Variants in BACE2 observed in about 807,000 individuals in gnomAD.
BACE2 encodes the protein 56 kDa aspartic-like protease.
Under a neutral mutation model 46.2 loss-of-function variants are expected in BACE2, and 17 were observed. That is an observed-to-expected ratio of 0.37 (90% CI 0.25 to 0.55). The LOEUF (loss-of-function observed/expected upper bound fraction) is 0.55, where lower values mean the gene tolerates loss of function less well. BACE2 is among the 20% of genes least tolerant of loss of function. The probability of loss-of-function intolerance (pLI) is 0.82; values close to 1 mark genes in which losing one functional copy is unlikely to be tolerated. For synonymous variants in BACE2, 277 were observed against 295.9 expected, an observed-to-expected ratio of 0.94 and a Z score of 0.66; for missense variants, 595 against 698.1, an observed-to-expected ratio of 0.85 and a Z score of 1.66.
intron 1 of BACE2, among the ~76,000 whole-genome samples, chr21:41,224,727 C>A (rs930435450): frequency 6.6e-6 from 1 of 152,186 alleles, no homozygotes; most frequent in Non-Finnish European, 1.5e-5. Context: ...AGCCCAATAG[C>A]ATTGGTCCCT....
chr21:41,180,449 G>A (rs1985076100), intron 1 of BACE2: 1 of 167,964 alleles, frequency 6.0e-6, no homozygotes, highest in African/African-American at 2.4e-5. Context: ...CCTGGCACTG[G>A]AGGAGTAAAA....
chr21:41,233,929 C>T (rs941216589), intron 2 of BACE2, among the ~76,000 whole-genome samples: 5 of 152,212 alleles, frequency 3.3e-5, no homozygotes, highest in Non-Finnish European at 5.9e-5. Flanking sequence ...GCATTGCACT[C>T]CAGCCTTGGT....
chr21:41,208,994 G>A (rs928095012), intron 1 of BACE2, among the ~76,000 whole-genome samples: 10 of 152,284 alleles, frequency 6.6e-5, no homozygotes, highest in Non-Finnish European at 1.0e-4. Context: ...CAGCTGGAAC[G>A]TTGCCCTCTT....
At chr21:41,224,107 C>G (rs1986736473) in intron 1 of BACE2, among the ~76,000 whole-genome samples, 1 of 151,922 alleles carries the variant, frequency 6.6e-6, no homozygotes, top group Non-Finnish European at 1.5e-5. Context: ...GCTGATGGGT[C>G]AGCTCAGAGA....
intron 1 of BACE2, among the ~76,000 whole-genome samples, chr21:41,205,503 C>T (rs1043110105): frequency 6.6e-6 from 1 of 152,158 alleles, no homozygotes; most frequent in Non-Finnish European, 1.5e-5. Context: ...GATTATTATT[C>T]CGTCATCTTT....
At chr21:41,249,117 G>A (rs1568886116) in intron 6 of BACE2, among the ~76,000 whole-genome samples, 1 of 151,832 alleles carries the variant, frequency 6.6e-6, no homozygotes, top group African/African-American at 2.4e-5. Context: ...GGACTAGTGG[G>A]CATGTACACT....
intron 8 of BACE2, among the ~76,000 whole-genome samples, chr21:41,270,238 C>G (rs1248118162): frequency 6.6e-6 from 1 of 152,122 alleles, no homozygotes; most frequent in African/African-American, 2.4e-5. Flanking sequence ...AATACAAGTC[C>G]TTTATCAGAA....
intron 1 of BACE2, among the ~76,000 whole-genome samples, chr21:41,196,924 A>G (rs1985752727): frequency 6.6e-6 from 1 of 152,104 alleles, no homozygotes; most frequent in East Asian, 1.9e-4. Flanking sequence ...TTCGGTTTCC[A>G]GGATTTTGTA....
chr21:41,206,901 G>T (rs964616871), intron 1 of BACE2, among the ~76,000 whole-genome samples: 5 of 152,212 alleles, frequency 3.3e-5, no homozygotes, highest in Non-Finnish European at 7.3e-5. Flanking sequence ...TGATGCTGCA[G>T]CAGGCGTATA....
chr21:41,211,691 C>T (rs904731908), intron 1 of BACE2, among the ~76,000 whole-genome samples: 2 of 152,194 alleles, frequency 1.3e-5, no homozygotes, highest in Admixed American at 6.5e-5. Flanking sequence ...AATTAGGAAT[C>T]GTTGTGTTAA....
At chr21:41,171,941 CAATT>C (rs1984624180) in intron 1 of BACE2, among the ~76,000 whole-genome samples, 2 of 152,160 alleles carry the variant, frequency 1.3e-5, no homozygotes. Context: ...TCTTAGTACA[CAATT>C]ATTTGGAAGA....
In BACE2 at chr21:41,221,896, G is replaced by A. The variant is rs558107438; in HGVS notation, c.313-4370G>A. Among the ~76,000 whole-genome samples the A allele has an allele frequency of 9.9e-5, 15 of 151,818 alleles. No individual in the cohort carries two copies. The South Asian group carries it at 1.9e-3, about 19-fold the overall frequency. The stretch of plus-strand genomic sequence containing the variant: ...GCCTGGCCCTGTTACAGGCATGCAC[G>A]GCAGACAGAGCAGCAAACAGCAAAA... On this transcript the variant is annotated intron_variant, in intron 1 of 8. Transcript: ENST00000330333.
At chr21:41,265,438 G>A (rs955445990) in intron 8 of BACE2, among the ~76,000 whole-genome samples, 5 of 151,856 alleles carry the variant, frequency 3.3e-5, no homozygotes, top group Non-Finnish European at 5.9e-5. Flanking sequence ...TATATTCATC[G>A]ATACCTGGCC....
At chr21:41,232,363 ACTTTAGAATGAGACAG>A (rs1490542956) in intron 2 of BACE2, among the ~76,000 whole-genome samples, 1 of 152,172 alleles carries the variant, frequency 6.6e-6, no homozygotes, top group East Asian at 1.9e-4. Context: ...GGGTGGTTGG[ACTTTAGAATGAGACAG>A]CTTTAGATTC....
chr21:41,187,162 A>G lies in BACE2; in HGVS notation c.312+18587A>G, dbSNP rs576233524. On this transcript the variant is annotated intron_variant, in intron 1 of 8. Coordinates refer to ENST00000330333, the MANE Select transcript of BACE2 (RefSeq NM_012105.5). ...ACTGAGACCCACTCCCCACTGGGGAACTCTGAGAGGTGACATCAGATAGAT... is the reference window on the plus strand; with the variant it reads ...ACTGAGACCCACTCCCCACTGGGGAGCTCTGAGAGGTGACATCAGATAGAT... Among the ~76,000 whole-genome samples, 11 of 152,278 alleles carry G rather than the reference A, an allele frequency of 7.2e-5. No individual in the cohort carries two copies. In the East Asian group the frequency reaches 1.5e-3, roughly 21 times the overall value.
At chr21:41,191,846 C>T (rs1985581170) in intron 1 of BACE2, among the ~76,000 whole-genome samples, 1 of 152,214 alleles carries the variant, frequency 6.6e-6, no homozygotes. Flanking sequence ...GTGAGGTCCC[C>T]CGTTGGTGAG....
chr21:41,174,067 T>C (rs1328126532), intron 1 of BACE2, among the ~76,000 whole-genome samples: 1 of 151,348 alleles, frequency 6.6e-6, no homozygotes, highest in African/African-American at 2.4e-5. Flanking sequence ...CACCTCCCCT[T>C]GCCTGCCCAT....
At chr21:41,170,891 C>T (rs1984584200) in intron 1 of BACE2, among the ~76,000 whole-genome samples, 1 of 152,200 alleles carries the variant, frequency 6.6e-6, no homozygotes, top group African/African-American at 2.4e-5. Flanking sequence ...TCCCAGGAAT[C>T]CCCACCCACC....
At chr21:41,206,308 C>T (rs1319954507) in intron 1 of BACE2, among the ~76,000 whole-genome samples, 1 of 152,128 alleles carries the variant, frequency 6.6e-6, no homozygotes, top group Admixed American at 6.5e-5. Context: ...GGGCACTAAT[C>T]CCATCCATGA....
Sources: gnomAD v4.1 joint callset for allele counts (sites outside exome capture counted in the v4.1 genomes callset) on GRCh38, gnomAD v4.1.1 for gene constraint, MANE v1.5 for transcripts, NCBI Gene and HGNC (gene_info 2026-07-23, HGNC 2026-07-21) for gene names.